The following CAMTA1 variants were observed in gnomAD, a reference collection of about 807,000 sequenced individuals.
CAMTA1 encodes calmodulin-binding transcription activator 1.
Under a neutral mutation model 170.9 loss-of-function variants are expected in CAMTA1, and 27 were observed. That is an observed-to-expected ratio of 0.16 (90% CI 0.12 to 0.22). CAMTA1 has a LOEUF of 0.22. CAMTA1 is among the 10% of genes least tolerant of loss of function. The pLI is 1.00. For missense variants in CAMTA1, 1,619 were observed against 2,217.2 expected, an observed-to-expected ratio of 0.73 and a Z score of 5.42; for synonymous variants, 833 against 891.5, an observed-to-expected ratio of 0.93 and a Z score of 1.17.
intron 7 of CAMTA1, among the ~76,000 whole-genome samples, chr1:7,659,565 G>A (rs2095936715): frequency 6.7e-6 from 1 of 149,326 alleles, no homozygotes; most frequent in South Asian, 2.1e-4. Flanking sequence ...AAAACCATCA[G>A]AGTTATAATT....
intron 5 of CAMTA1, among the ~76,000 whole-genome samples, chr1:7,349,420 C>T (rs2084482310): frequency 6.6e-6 from 1 of 152,214 alleles, no homozygotes; most frequent in Admixed American, 6.5e-5. Flanking sequence ...CCCTCCATAT[C>T]CCAGACCTGT....
rs2148947532 is a variant in CAMTA1, at chr1:7,641,981, T to C, written c.664+1428T>C. 6.9e-6 allele frequency among the ~76,000 whole-genome samples: 1 copy of C among 145,670 alleles called. No individual in the cohort carries two copies. Among genetic ancestry groups the C allele is most frequent in the African/African-American group, 2.6e-5 (1 of 37,790 alleles). ...GCAGCCCCCGGCCTCTGCAGGACTCTGCGCCCTTTCCACCTGCTGTAGTCC... is the reference window on the plus strand; with the variant it reads ...GCAGCCCCCGGCCTCTGCAGGACTCCGCGCCCTTTCCACCTGCTGTAGTCC... On this transcript the variant is annotated intron_variant, in intron 7 of 22. Transcript: ENST00000303635. The surrounding 1 kb of genome is among the most constrained non-coding windows in gnomAD (Gnocchi z 4.5).
intron 3 of CAMTA1, among the ~76,000 whole-genome samples, chr1:6,866,358 A>G: frequency 6.6e-6 from 1 of 152,212 alleles, no homozygotes; most frequent in South Asian, 2.1e-4. Context: ...GGGAAATGTC[A>G]ACTCCTTGAT....
chr1:7,572,799 G>A (rs138428219), intron 6 of CAMTA1, among the ~76,000 whole-genome samples: 7 of 152,348 alleles, frequency 4.6e-5, no homozygotes, highest in African/African-American at 1.2e-4. Flanking sequence ...GAGCAGAAAG[G>A]AAGCTTGCTA....
At chr1:6,829,395 G>A (rs1336576459) in intron 3 of CAMTA1, among the ~76,000 whole-genome samples, 1 of 152,154 alleles carries the variant, frequency 6.6e-6, no homozygotes, top group Non-Finnish European at 1.5e-5. Context: ...CTTCTTGGAT[G>A]TTATTTGCAA....
intron 6 of CAMTA1, among the ~76,000 whole-genome samples, chr1:7,536,375 G>C (rs1324562909): frequency 2.0e-5 from 3 of 152,342 alleles, no homozygotes; most frequent in African/African-American, 7.2e-5. Flanking sequence ...CAAAGGACGG[G>C]GAGGAGGTGC....
At chr1:7,704,228 G>C (rs1475413834) in intron 11 of CAMTA1, among the ~76,000 whole-genome samples, 2 of 146,960 alleles carry the variant, frequency 1.4e-5, no homozygotes, top group African/African-American at 4.9e-5. Context: ...CCTCGGCGCG[G>C]AGCTTCGGGC....
chr1:6,910,572 T>G (rs562100863), intron 3 of CAMTA1, among the ~76,000 whole-genome samples: 1 of 152,360 alleles, frequency 6.6e-6, no homozygotes, highest in South Asian at 2.1e-4. Context: ...GTAACTTGAC[T>G]TGGGCCTGAG....
chr1:7,609,954 C>T lies in CAMTA1; in HGVS notation c.511-30446C>T, dbSNP rs1350730642. Among the ~76,000 whole-genome samples, 1 of 152,172 alleles carries T rather than the reference C, an allele frequency of 6.6e-6. No individual in the cohort carries two copies. The highest frequency in any genetic ancestry group is 1.5e-5 in the Non-Finnish European group (1 of 68,034). On this transcript the variant is annotated intron_variant, in intron 6 of 22. Transcript: ENST00000303635. The surrounding 1 kb of genome is among the most constrained non-coding windows in gnomAD (Gnocchi z 4.4). ...AATGAGAGGGTAAACTGTGGGGTCT[C>T]CAAGTCTCTTTACCTGAAATACAGC...
intron 1 of CAMTA1, among the ~76,000 whole-genome samples, chr1:6,788,115 T>C (rs1639949294): frequency 6.6e-6 from 1 of 152,178 alleles, no homozygotes; most frequent in Non-Finnish European, 1.5e-5. Context: ...AGGGGAATGA[T>C]TTGAGCCCTG....
chr1:7,060,660 C>A (rs907798942), intron 3 of CAMTA1, among the ~76,000 whole-genome samples: 2 of 152,172 alleles, frequency 1.3e-5, no homozygotes, highest in Non-Finnish European at 2.9e-5. Flanking sequence ...CCAGTGCAGG[C>A]GCCCCTGAGG....
At chr1:7,204,203 T>C (rs1657257430) in intron 4 of CAMTA1, among the ~76,000 whole-genome samples, 1 of 152,148 alleles carries the variant, frequency 6.6e-6, no homozygotes, top group Admixed American at 6.5e-5. Flanking sequence ...TTTTCTTCCT[T>C]CTGCTTACTT....
chr1:6,871,463 G>A (rs1668394086), intron 3 of CAMTA1, among the ~76,000 whole-genome samples: 1 of 152,120 alleles, frequency 6.6e-6, no homozygotes, highest in South Asian at 2.1e-4. Context: ...CTGATATGTT[G>A]GCAACTTATC....
At chr1:7,242,663 T>A (rs1665065638) in intron 4 of CAMTA1, among the ~76,000 whole-genome samples, 1 of 152,026 alleles carries the variant, frequency 6.6e-6, no homozygotes, top group Admixed American at 6.6e-5. Context: ...GCGTGGTGGC[T>A]CACGCCTGTA....
intron 3 of CAMTA1, among the ~76,000 whole-genome samples, chr1:6,967,557 C>G (rs1691779435): frequency 6.6e-6 from 1 of 152,056 alleles, no homozygotes; most frequent in Non-Finnish European, 1.5e-5. Flanking sequence ...TTGAGGATTC[C>G]CAGGGGATGT....
intron 6 of CAMTA1, among the ~76,000 whole-genome samples, chr1:7,519,592 A>T (rs576893414): frequency 7.5e-4 from 114 of 151,566 alleles, no homozygotes; most frequent in Non-Finnish European, 7.4e-4. Context: ...CACCTCTGCC[A>T]CTCTCATTGC....
At chr1:7,677,452 G>C in intron 10 of CAMTA1, 147 bp from the exon 11 acceptor site, 1 of 945,950 alleles carries the variant, frequency 1.1e-6, no homozygotes, top group Non-Finnish European at 1.6e-6. Flanking sequence ...TTTGGGCCTC[G>C]AATGAGCAGG....
At chr1:7,646,557 G>A (rs1189416799) in intron 7 of CAMTA1, among the ~76,000 whole-genome samples, 3 of 149,868 alleles carry the variant, frequency 2.0e-5, no homozygotes, top group Non-Finnish European at 4.5e-5. Flanking sequence ...AGGCTGTGGT[G>A]AGTTGGGTGG....
chr1:6,926,393 T>A (rs1683099401), intron 3 of CAMTA1, among the ~76,000 whole-genome samples: 2 of 146,482 alleles, frequency 1.4e-5, no homozygotes, highest in Admixed American at 6.8e-5. Flanking sequence ...TCTGTCTTCC[T>A]TCCTCCCTCC....
Sources: gnomAD v4.1 joint callset for allele counts (sites outside exome capture counted in the v4.1 genomes callset) on GRCh38, gnomAD v4.1.1 for gene constraint, Gnocchi (gnomAD v3.1) non-coding constraint, MANE v1.5 for transcripts, NCBI Gene and HGNC (gene_info 2026-07-23, HGNC 2026-07-21) for gene names.